The following SLC39A11 variants were observed in gnomAD, a reference collection of about 807,000 sequenced individuals.
SLC39A11 encodes solute carrier family 39 member 11, also known as zinc transporter ZIP11.
In SLC39A11, 33 loss-of-function variants were observed where a neutral mutation model predicts 36.1. That is an observed-to-expected ratio of 0.91 (90% CI 0.69 to 1.22). SLC39A11 has a LOEUF of 1.22. Among genes scored for constraint, SLC39A11 ranks in the 50% most tolerant of loss-of-function variants. SLC39A11 has a pLI of 0.00. For missense variants in SLC39A11, 432 were observed against 430.3 expected (o/e 1.00, Z -0.03); for synonymous variants, 166 against 170.3 (o/e 0.97, Z 0.20).
At chr17:72,999,803 C>A (rs951271664) in intron 4 of SLC39A11, among the ~76,000 whole-genome samples, 1 of 152,116 alleles carries the variant, frequency 6.6e-6, no homozygotes, top group African/African-American at 2.4e-5. Context: ...TGCAGTGGTG[C>A]GATCTCAGCT....
chr17:72,781,081 TGG>T (rs1388812637), intron 6 of SLC39A11, among the ~76,000 whole-genome samples: 12 of 152,356 alleles, frequency 7.9e-5, no homozygotes, highest in Admixed American at 7.8e-4. Context: ...CCAAACTGTC[TGG>T]CACCTTCGGT....
intron 4 of SLC39A11, among the ~76,000 whole-genome samples, chr17:73,025,818 T>TA (rs1304969424): frequency 6.6e-6 from 1 of 152,152 alleles, no homozygotes; most frequent in African/African-American, 2.4e-5. Flanking sequence ...TGGTTTTCTT[T>TA]AAAAAAGGAA....
chr17:72,942,788 A>C (rs1424966578), intron 5 of SLC39A11, among the ~76,000 whole-genome samples: 1 of 152,158 alleles, frequency 6.6e-6, no homozygotes, highest in Non-Finnish European at 1.5e-5. Context: ...GCTTCAGAGA[A>C]GAGATTGCAT....
At chr17:72,720,510 C>T (rs954108923) in intron 7 of SLC39A11, among the ~76,000 whole-genome samples, 3 of 151,254 alleles carry the variant, frequency 2.0e-5, no homozygotes, top group Non-Finnish European at 4.4e-5. Context: ...CAGTTCTTCT[C>T]CTGGGGAGGC....
intron 3 of SLC39A11, among the ~76,000 whole-genome samples, chr17:73,062,853 G>C (rs564676486): frequency 2.6e-5 from 4 of 152,282 alleles, no homozygotes; most frequent in African/African-American, 9.6e-5. Flanking sequence ...GTTCACCATA[G>C]GAGTTGTGCT....
chr17:72,740,418 C>T (rs996028512), intron 6 of SLC39A11, among the ~76,000 whole-genome samples: 5 of 152,062 alleles, frequency 3.3e-5, no homozygotes, highest in African/African-American at 1.2e-4. Flanking sequence ...ATTTACAGTG[C>T]CGTACTGTAT....
Position 72,927,836 on chromosome 17 carries a change from T to TAC in SLC39A11, c.430+19914_430+19915dup, listed in dbSNP as rs535373763. Reference sequence around the variant, plus strand: ...CACACACACACATACACACACACACTACACACACACACACTGGAAAGCCCA... The same window carrying TAC: ...CACACACACACATACACACACACACTACACACACACACACACTGGAAAGCCCA... On this transcript the variant is annotated intron_variant, in intron 5 of 9. Transcript: ENST00000255559. Among the ~76,000 whole-genome samples the TAC allele has an allele frequency of 2.6e-3, 386 of 150,256 alleles. 4 individuals are homozygous for TAC. The East Asian group carries it at 0.029, about 11-fold the overall frequency.
chr17:72,807,471 C>A (rs2344341), intron 6 of SLC39A11, among the ~76,000 whole-genome samples: 1 of 152,032 alleles, frequency 6.6e-6, no homozygotes. Context: ...TTGAGGTAGG[C>A]CCCTAGATAG....
At chr17:72,670,759 T>C (rs1401712171) in intron 7 of SLC39A11, among the ~76,000 whole-genome samples, 3 of 152,230 alleles carry the variant, frequency 2.0e-5, no homozygotes, top group African/African-American at 7.2e-5. Flanking sequence ...TCTTTTGACA[T>C]GGCCTTTTGG....
intron 3 of SLC39A11, among the ~76,000 whole-genome samples, chr17:73,074,931 A>G (rs974952521): frequency 9.9e-5 from 15 of 152,160 alleles, no homozygotes; most frequent in Admixed American, 2.6e-4. Context: ...ATTATTCCTT[A>G]TAAGTGCTTC....
chr17:72,852,600 T>C (rs911842018), intron 5 of SLC39A11, among the ~76,000 whole-genome samples: 3 of 152,124 alleles, frequency 2.0e-5, no homozygotes, highest in Admixed American at 1.3e-4. Context: ...TGCATGTGTA[T>C]GTGCGTGTGG....
chr17:73,022,018 T>C (rs2058368840), intron 4 of SLC39A11, among the ~76,000 whole-genome samples: 1 of 152,166 alleles, frequency 6.6e-6, no homozygotes, highest in Non-Finnish European at 1.5e-5. Context: ...CAGAGGTGGG[T>C]TTCTGAACCC....
At chr17:72,788,335 CA>C (rs1462167315) in intron 6 of SLC39A11, among the ~76,000 whole-genome samples, 1 of 152,200 alleles carries the variant, frequency 6.6e-6, no homozygotes, top group Non-Finnish European at 1.5e-5. Context: ...CCCTTGTTTC[CA>C]TGCATTATTA....
intron 4 of SLC39A11, among the ~76,000 whole-genome samples, chr17:72,967,945 C>G (rs898829422): frequency 6.6e-6 from 1 of 152,146 alleles, no homozygotes; most frequent in Non-Finnish European, 1.5e-5. Context: ...CAATTGTCTA[C>G]ACGTGGAGAA....
At chr17:72,818,768 T>C (rs1218494430) in intron 6 of SLC39A11, 1 of 152,180 alleles carries the variant, frequency 6.6e-6, no homozygotes, top group Admixed American at 6.5e-5. Flanking sequence ...GATTGTCATC[T>C]CACCAGTATA....
chr17:72,795,138 G>A (rs1160218854), intron 6 of SLC39A11, among the ~76,000 whole-genome samples: 1 of 152,036 alleles, frequency 6.6e-6, no homozygotes, highest in Non-Finnish European at 1.5e-5. Context: ...TGCAAATTTG[G>A]TGGCTCATAC....
rs1007045885 is a variant in SLC39A11, at chr17:73,004,183, G to A, written c.306+27373C>T. ...GGAAAAAAAGAAAGAAAGAAAGAAA[G>A]AAAGAAAGAAAGAAAGAAAGAAAGA... is the stretch of plus-strand genomic sequence containing the variant. On this transcript the variant is annotated intron_variant, in intron 4 of 9. Coordinates refer to ENST00000255559, the MANE Select transcript of SLC39A11 (RefSeq NM_139177.4). 7.9e-4 allele frequency among the ~76,000 whole-genome samples: 67 copies of A among 84,902 alleles called. 1 individual carries two copies. Among genetic ancestry groups the A allele is most frequent in the Admixed American group, 2.3e-3 (18 of 7,808 alleles). The allele number at this position is 84,902 out of a possible 152,430, so 55.7% of individuals were successfully genotyped here. A position where few individuals can be genotyped will look rare whatever the true frequency, so the allele number is the denominator to read the frequency against.
At chr17:72,882,128 G>A (rs1321481035) in intron 5 of SLC39A11, among the ~76,000 whole-genome samples, 2 of 152,150 alleles carry the variant, frequency 1.3e-5, no homozygotes, top group African/African-American at 4.8e-5. Flanking sequence ...CAAGGTGGGT[G>A]GATCACCAGA....
intron 6 of SLC39A11, among the ~76,000 whole-genome samples, chr17:72,771,695 G>A (rs1246517563): frequency 5.3e-5 from 8 of 152,188 alleles, no homozygotes; most frequent in African/African-American, 1.4e-4. Context: ...CATCAGCCAC[G>A]CTGAGGCCAA....
Sources: gnomAD v4.1 joint callset for allele counts (sites outside exome capture counted in the v4.1 genomes callset) on GRCh38, gnomAD v4.1.1 for gene constraint, MANE v1.5 for transcripts, NCBI Gene and HGNC (gene_info 2026-07-23, HGNC 2026-07-21) for gene names.